The following ARID3C variants were observed in gnomAD, a reference collection of about 807,000 sequenced individuals.
ARID3C encodes AT-rich interactive domain-containing protein 3C.
Under a neutral mutation model 37.9 loss-of-function variants are expected in ARID3C, and 42 were observed. The ratio of observed to expected loss-of-function variants is 1.11; its 90% confidence interval spans 0.87 to 1.43. The LOEUF (loss-of-function observed/expected upper bound fraction) is 1.43. ARID3C is among the 40% of genes most tolerant of loss of function. The pLI is 0.00. For synonymous variants in ARID3C, 213 were observed against 228.0 expected (o/e 0.93, Z 0.59); for missense variants, 581 against 548.8 (o/e 1.06, Z -0.59).
upstream of ARID3C, among the ~76,000 whole-genome samples, chr9:34,629,102 G>T (rs1349265534): frequency 6.6e-6 from 1 of 152,104 alleles, no homozygotes; most frequent in African/African-American, 2.4e-5. Context: ...CCCGAGCGGG[G>T]CAGGGCGGGC....
At chr9:34,630,832 T>C (rs774416787), upstream of ARID3C, among the ~76,000 whole-genome samples, 11 of 152,084 alleles carry the variant, frequency 7.2e-5, no homozygotes, top group Non-Finnish European at 1.3e-4. Flanking sequence ...CACCTCAGAT[T>C]TCAGACCTCT....
At chr9:34,622,452 G>C (rs988881587) in exon 5 of ARID3C, 3 of 1,614,104 alleles carry the variant, frequency 1.9e-6, no homozygotes, top group Admixed American at 1.7e-5. Context: ...GGCTCCTCTG[G>C]TGCCAATTTC....
chr9:34,627,572 T>A, intron 1 of ARID3C, 125 bp downstream of exon 2: 1 of 835,524 alleles, frequency 1.2e-6, no homozygotes, highest in South Asian at 1.9e-5. Context: ...GGTCTCCGTG[T>A]CTCTGTGTCT....
intron 6 of ARID3C, 147 bp downstream of exon 7, chr9:34,621,873 C>G (rs1820568680): frequency 1.2e-6 from 1 of 812,074 alleles, no homozygotes. Flanking sequence ...TTAACCCATG[C>G]CAGTCTAGCA....
At chr9:34,627,744 G>A (rs868822609) in exon 1 of ARID3C, 6 of 1,614,066 alleles carry the variant, frequency 3.7e-6, no homozygotes, top group Non-Finnish European at 4.2e-6. Flanking sequence ...TGGAGTCCAG[G>A]GGGCTGGCTA....
chr9:34,621,416 C>T (rs1324822433), exon 7 of ARID3C: 1 of 1,365,858 alleles, frequency 7.3e-7, no homozygotes, highest in South Asian at 1.5e-5. Flanking sequence ...CTCCTCCCCC[C>T]TCAGCAATGG....
intron 2 of ARID3C, 81 bp downstream of exon 3, chr9:34,625,661 A>G: frequency 3.3e-6 from 5 of 1,514,072 alleles, no homozygotes; most frequent in Non-Finnish European, 4.6e-6. Context: ...CTCAGGCCTC[A>G]GCAGGGAGAA....
At chr9:34,621,406 C>T in exon 7 of ARID3C, 1 of 1,248,194 alleles carries the variant, frequency 8.0e-7, no homozygotes, top group Non-Finnish European at 1.1e-6. Flanking sequence ...AGCAGGGGGT[C>T]TCCTCCCCCC....
In ARID3C at chr9:34,621,481, G is replaced by C. The variant is rs1461804878; in HGVS notation, c.1216C>G (p.Pro406Ala). The C allele has an allele frequency of 1.3e-6, 2 of 1,533,746 alleles. No homozygotes were observed. The highest frequency in any genetic ancestry group is 5.0e-5 in the Admixed American group (2 of 40,120). ...TCTCAGGGCAAGATGCTGGAAGGGG[G>C]CCCTGTGGAGGGTGGGGGTGCAGGG... The change falls in exon 7 of 7, where the codon CCC (proline) becomes GCC (alanine). Residue 406 changes from proline to alanine, a missense_variant. By Grantham distance (27) the Pro-to-Ala change is conservative. Coordinates refer to ENST00000378909, the Ensembl canonical transcript of ARID3C.
chr9:34,624,839 C>A (rs962063705), intron 2 of ARID3C, among the ~76,000 whole-genome samples: 3 of 152,098 alleles, frequency 2.0e-5, no homozygotes, highest in African/African-American at 7.2e-5. Flanking sequence ...AGGCAGGGAC[C>A]GAAGGGAGGC....
upstream of ARID3C, among the ~76,000 whole-genome samples, chr9:34,629,235 C>T (rs1481917519): frequency 6.6e-6 from 1 of 152,170 alleles, no homozygotes; most frequent in Non-Finnish European, 1.5e-5. Context: ...GGGAATCGTG[C>T]GAAAATGAGG....
chr9:34,621,629 G>GT (rs1284173680), intron 6 of ARID3C, 71 bp from the exon 8 acceptor site: 1 of 1,150,716 alleles, frequency 8.7e-7, no homozygotes, highest in African/African-American at 1.6e-5. Flanking sequence ...AAACAGAAGA[G>GT]GGGAACAAAA....
intron 1 of ARID3C, among the ~76,000 whole-genome samples, chr9:34,627,066 T>C (rs1363881657): frequency 6.6e-6 from 1 of 152,202 alleles, no homozygotes; most frequent in Admixed American, 6.5e-5. Context: ...AGGAGCCCTT[T>C]AGTCATACTG....
At chr9:34,626,271 G>T (rs1256304876) in intron 1 of ARID3C, among the ~76,000 whole-genome samples, 2 of 152,276 alleles carry the variant, frequency 1.3e-5, no homozygotes, top group Admixed American at 1.3e-4. Context: ...CAGGGCTGGG[G>T]GTGACTGAAG....
intron 6 of ARID3C, 45 bp from the exon 8 acceptor site, chr9:34,621,603 A>T: frequency 7.2e-7 from 1 of 1,389,712 alleles, no homozygotes. Flanking sequence ...AACAAGCAGG[A>T]GGGGGTAGGG....
upstream of ARID3C, among the ~76,000 whole-genome samples, chr9:34,632,514 C>A (rs182658976): frequency 1.7e-4 from 26 of 152,226 alleles, no homozygotes; most frequent in Non-Finnish European, 3.2e-4. Context: ...GCGTGGAGAA[C>A]CCTCCACACA....
In ARID3C at chr9:34,622,059, T is replaced by TA; in HGVS notation, c.1098dup (p.Ile367TyrfsTer52). On this transcript the variant is annotated frameshift_variant, in exon 6 of 7. Transcript: ENST00000378909. LOFTEE classifies it high-confidence loss of function. ...CCGTTGATCTCTAGGGCCATGTTGA[T>TA]ACTGCTGATGCCACTGCCTGCCAGA... 1 of 1,614,154 alleles carries TA rather than the reference T, an allele frequency of 6.2e-7. No homozygotes were observed. The highest frequency in any genetic ancestry group is 8.5e-7 in the Non-Finnish European group (1 of 1,180,028).
chr9:34,631,438 T>C (rs1820722430), upstream of ARID3C, among the ~76,000 whole-genome samples: 1 of 152,226 alleles, frequency 6.6e-6, no homozygotes, highest in Non-Finnish European at 1.5e-5. Context: ...CGCAGTCTGG[T>C]CTTATACCTC....
At chr9:34,624,142 C>A in intron 2 of ARID3C, 95 bp from the exon 4 acceptor site, 4 of 1,401,352 alleles carry the variant, frequency 2.9e-6, no homozygotes, top group Non-Finnish European at 3.8e-6. Flanking sequence ...CCGGGGAGGG[C>A]GGGAAAGAGG....
Sources: allele counts gnomAD v4.1 joint callset (sites outside exome capture counted in the v4.1 genomes callset), GRCh38; gene constraint gnomAD v4.1.1; transcripts MANE v1.5; gene names NCBI Gene and HGNC (gene_info 2026-07-23, HGNC 2026-07-21).